NFASC: variants seen among roughly 807,000 people sequenced by gnomAD.
NFASC encodes neurofascin homolog.
In NFASC, 43 loss-of-function variants were observed where a neutral mutation model predicts 147.5. That is an observed-to-expected ratio of 0.29 (90% CI 0.23 to 0.38). The LOEUF (loss-of-function observed/expected upper bound fraction) is 0.38, where lower values mean the gene tolerates loss of function less well. Ranked by LOEUF, NFASC falls within the 10% of genes least tolerant of loss-of-function variation. The pLI is 1.00. For synonymous variants in NFASC, 622 were observed against 665.5 expected (o/e 0.93, Z 1.01); for missense variants, 1,320 against 1,689.0 (o/e 0.78, Z 3.83).
chr1:204,996,461 C>T (rs1231131431), intron 24 of NFASC, among the ~76,000 whole-genome samples: 2 of 152,064 alleles, frequency 1.3e-5, no homozygotes, highest in African/African-American at 4.8e-5. Flanking sequence ...AGAAGTGTCA[C>T]TTTGGATTAG....
chr1:204,862,710 A>T (rs1005149315), intron 1 of NFASC, among the ~76,000 whole-genome samples: 2 of 152,220 alleles, frequency 1.3e-5, no homozygotes, highest in Non-Finnish European at 2.9e-5. Flanking sequence ...TTAGGAGGTC[A>T]CTTAGGTAGT....
chr1:205,015,002 G>T lies in NFASC; in HGVS notation c.3492-1306G>T, dbSNP rs915672212. ...ATCTCCCAACCCACGGCTGTCCCAC[G>T]AATACAGTTAGGCTGTATTCGTGGG... is the stretch of plus-strand genomic sequence containing the variant. On this transcript the variant is annotated intron_variant, in intron 29 of 29. Coordinates refer to ENST00000339876, the MANE Select transcript of NFASC (RefSeq NM_001005388.3). The surrounding 1 kb of genome is among the most constrained non-coding windows in gnomAD (Gnocchi z 4.0). Among the ~76,000 whole-genome samples, 3 of 151,996 alleles carry T rather than the reference G, an allele frequency of 2.0e-5. No homozygotes were observed. Among genetic ancestry groups the T allele is most frequent in the African/African-American group, 7.3e-5 (3 of 41,364 alleles).
chr1:204,906,021 T>C (rs148495872), intron 1 of NFASC, among the ~76,000 whole-genome samples: 63 of 152,356 alleles, frequency 4.1e-4, no homozygotes, highest in African/African-American at 1.5e-3. Context: ...TTATTAGCCA[T>C]ATGTATTCCT....
intron 1 of NFASC, among the ~76,000 whole-genome samples, chr1:204,858,514 G>A (rs750835425): frequency 6.6e-6 from 1 of 152,060 alleles, no homozygotes; most frequent in Non-Finnish European, 1.5e-5. Context: ...GAGGGCACTG[G>A]GGACTTCGGG....
chr1:204,970,623 C>T lies in NFASC; in HGVS notation c.1011C>T (p.Pro337=), dbSNP rs1417825682. 27 of 1,613,880 alleles carry T rather than the reference C, an allele frequency of 1.7e-5. No individual in the cohort carries two copies. The highest frequency in any genetic ancestry group is 2.3e-5 in the Non-Finnish European group (27 of 1,180,056). Residue 337 remains proline, a synonymous_variant, in exon 11 of 30, where the codon CCC becomes CCT. Coordinates refer to ENST00000339876, the MANE Select transcript of NFASC (RefSeq NM_001005388.3). The stretch of plus-strand genomic sequence containing the variant: ...GTCTGTCTTGTCTTCCAGCTGCTCC[C>T]TACTGGCTGGACGAACCCAAGAACC... ...HTISVRVKAA[P]YWLDEPKNLI...
rs2096400970 is a variant in NFASC, at chr1:205,021,581, G to C, written c.*5042G>C. Reference sequence around the variant, plus strand: ...AGGGATTTTTGCTCAAGATCACATAGCTGGTAAACTAAGGTAAGGTTAGGG... The same window carrying C: ...AGGGATTTTTGCTCAAGATCACATACCTGGTAAACTAAGGTAAGGTTAGGG... On this transcript the variant is annotated 3_prime_UTR_variant, in exon 30 of 30. Coordinates refer to ENST00000339876, the MANE Select transcript of NFASC (RefSeq NM_001005388.3). 6.5e-6 allele frequency: 1 copy of C among 153,242 alleles called. No homozygotes were observed. The highest frequency in any genetic ancestry group is 2.4e-5 in the African/African-American group (1 of 41,444). 9.5% of individuals were successfully genotyped at this position (153,242 alleles called of 1,614,324 possible).
intron 5 of NFASC, among the ~76,000 whole-genome samples, chr1:204,952,826 G>A (rs527686806): frequency 8.5e-5 from 13 of 152,312 alleles, no homozygotes; most frequent in African/African-American, 2.9e-4. Flanking sequence ...ATTCAGACCC[G>A]TATGTGACAG....
In NFASC at chr1:204,907,612, T is replaced by G. The variant is rs570071601; in HGVS notation, c.-199-13020T>G. ...TTGCTTACTGTCCCGTTTGGACTGG[T>G]CTAATTGATGAGAGTGCTTACATCT... On this transcript the variant is annotated intron_variant, in intron 1 of 29. Coordinates refer to ENST00000339876, the MANE Select transcript of NFASC (RefSeq NM_001005388.3). Among the ~76,000 whole-genome samples, 7 of 152,306 alleles carry G rather than the reference T, an allele frequency of 4.6e-5. No homozygotes were observed. The South Asian group carries it at 1.5e-3, about 32-fold the overall frequency.
At chr1:204,946,731 G>A (rs953415548) in intron 3 of NFASC, 2 of 519,048 alleles carry the variant, frequency 3.9e-6, no homozygotes, top group Admixed American at 1.9e-5. Flanking sequence ...ACAAGTTAAA[G>A]TACCTGGCCT....
At chr1:204,944,441 C>CCT in intron 3 of NFASC, 35 bp downstream of exon 3, 2 of 782,562 alleles carry the variant, frequency 2.6e-6, no homozygotes, top group Non-Finnish European at 3.8e-6. Context: ...CTTTTTTTTC[C>CCT]TGATTTTGGG....
At chr1:204,927,960 G>T (rs1026989607) in intron 2 of NFASC, among the ~76,000 whole-genome samples, 5 of 152,334 alleles carry the variant, frequency 3.3e-5, no homozygotes, top group African/African-American at 1.2e-4. Flanking sequence ...AGAGGTGGGG[G>T]CTCTTCTCCG....
At chr1:204,831,143 A>T (rs1286425290) in intron 1 of NFASC, among the ~76,000 whole-genome samples, 2 of 152,100 alleles carry the variant, frequency 1.3e-5, no homozygotes, top group Non-Finnish European at 2.9e-5. Context: ...GAAATGCTTG[A>T]CTGGAGCTCA....
At chr1:205,002,266 G>A (rs139942271) in intron 26 of NFASC, among the ~76,000 whole-genome samples, 4,588 of 152,304 alleles carry the variant, frequency 0.03, 101 homozygotes, top group Middle Eastern at 0.15. Flanking sequence ...AAAGTTAATC[G>A]CTTCCAGGGC....
At chr1:204,943,853 T>C (rs1215160953) in intron 2 of NFASC, among the ~76,000 whole-genome samples, 1 of 152,256 alleles carries the variant, frequency 6.6e-6, no homozygotes, top group Non-Finnish European at 1.5e-5. Context: ...TTTGTTTTCA[T>C]GACTGTTCTT....
chr1:204,843,025 A>T (rs1490639814), intron 1 of NFASC, among the ~76,000 whole-genome samples: 1 of 152,214 alleles, frequency 6.6e-6, no homozygotes, highest in Non-Finnish European at 1.5e-5. Flanking sequence ...TCTGAGTCAG[A>T]CTAGGAAAAT....
chr1:205,002,855 C>A, intron 27 of NFASC, 107 bp downstream of exon 27: 2 of 864,176 alleles, frequency 2.3e-6, no homozygotes, highest in South Asian at 3.4e-5. Flanking sequence ...CATCCCCCAC[C>A]CCATTTCCCA....
rs202049596 is a variant in NFASC at position 204,975,445 on chromosome 1, A to G, written c.1706+27A>G. 5.1e-4 allele frequency: 821 copies of G among 1,594,740 alleles called. 2 individuals are homozygous for G. The highest frequency in any genetic ancestry group is 6.6e-4 in the Non-Finnish European group (772 of 1,165,026). The stretch of plus-strand genomic sequence containing the variant: ...TTTCTCTTCCCCCTTCCCCCTTCCT[A>G]GTGCTAGTTTGAGGCGCATTTTCTT... On this transcript the variant is annotated intron_variant, in intron 15 of 29. Transcript: ENST00000339876. The surrounding 1 kb of genome is among the most constrained non-coding windows in gnomAD (Gnocchi z 4.0).
At chr1:204,977,113 C>A in intron 16 of NFASC, 1 of 1,188,904 alleles carries the variant, frequency 8.4e-7, no homozygotes, top group Non-Finnish European at 1.0e-6. Context: ...AACTCCACCA[C>A]TAAGTCAATT....
chr1:204,948,707 C>G, intron 3 of NFASC: 1 of 519,044 alleles, frequency 1.9e-6, no homozygotes, highest in South Asian at 1.4e-5. Context: ...TCTGGAGATT[C>G]CCTGGACAAT....
Sources: gnomAD v4.1 joint callset for allele counts (sites outside exome capture counted in the v4.1 genomes callset) on GRCh38, gnomAD v4.1.1 for gene constraint, Gnocchi (gnomAD v3.1) non-coding constraint, MANE v1.5 for transcripts, NCBI Gene and HGNC (gene_info 2026-07-23, HGNC 2026-07-21) for gene names.